The following CUX1 variants were observed in gnomAD, a reference collection of about 807,000 sequenced individuals.
CUX1 encodes protein CASP.
A neutral mutation model predicts 158.8 loss-of-function variants in CUX1; 31 were observed. That is an observed-to-expected ratio of 0.20 (90% CI 0.15 to 0.26). The LOEUF is 0.26. Ranked by LOEUF, CUX1 falls within the 10% of genes least tolerant of loss-of-function variation. The pLI, the probability that CUX1 is intolerant of heterozygous loss-of-function variation, is 1.00. For missense variants in CUX1, 1,589 were observed against 2,014.6 expected (o/e 0.79, Z 4.04); for synonymous variants, 879 against 862.1 (o/e 1.02, Z -0.34).
intron 12 of CUX1, among the ~76,000 whole-genome samples, chr7:102,191,474 C>A (rs1563379340): frequency 6.6e-6 from 1 of 152,084 alleles, no homozygotes. Flanking sequence ...CTCAGGTGAT[C>A]CACCCACCTC....
Position 102,254,454 on chromosome 7 carries a change from C to CA in CUX1, c.*5413dup. On this transcript the variant is annotated 3_prime_UTR_variant, in exon 24 of 24. Transcript: ENST00000292535. ...TCCTCCAGCCTACACGCCCCGTCCA[C>CA]AGTGGCATCACCCTCTTATCCCAAA... 1.0e-6 allele frequency: 1 copy of CA among 985,526 alleles called. No homozygotes were observed. The highest frequency in any genetic ancestry group is 1.2e-6 in the Non-Finnish European group (1 of 829,986). 61.0% of individuals were successfully genotyped at this position (985,526 alleles called of 1,614,324 possible). A position where few individuals can be genotyped will look rare whatever the true frequency, so the allele number is the denominator to read the frequency against.
intron 3 of CUX1, 36 bp from the exon 4 acceptor site, chr7:102,070,303 C>G: frequency 6.4e-7 from 1 of 1,560,224 alleles, no homozygotes; most frequent in Non-Finnish European, 8.8e-7. Flanking sequence ...ATGTTGAGCT[C>G]TTTGTTTTTC....
At chr7:102,111,101 G>T (rs535813573) in intron 6 of CUX1, among the ~76,000 whole-genome samples, 43 of 147,424 alleles carry the variant, frequency 2.9e-4, no homozygotes, top group Middle Eastern at 3.5e-3. Flanking sequence ...TTTTGGAGGG[G>T]TTTTTTTTTT....
intron 18 of CUX1, among the ~76,000 whole-genome samples, chr7:102,203,028 G>A (rs988628203): frequency 1.8e-4 from 27 of 152,096 alleles, no homozygotes; most frequent in African/African-American, 6.5e-4. Flanking sequence ...GTGCAGTGAC[G>A]CTATCTCGGC....
chr7:102,175,403 T>C (rs1449530566), intron 10 of CUX1, among the ~76,000 whole-genome samples: 1 of 152,190 alleles, frequency 6.6e-6, no homozygotes, highest in East Asian at 1.9e-4. Flanking sequence ...AGACGTGATA[T>C]AGCATGATTC....
Position 101,968,461 on chromosome 7 carries a change from T to C in CUX1, c.141+52236T>C, listed in dbSNP as rs542663686. Reference sequence around the variant, plus strand: ...TTTTTGAGACGTGGTCTCGCCCTGTTGCCCAGGCTGGAGTGCAGTGGCGCG... The same window carrying C: ...TTTTTGAGACGTGGTCTCGCCCTGTCGCCCAGGCTGGAGTGCAGTGGCGCG... On this transcript the variant is annotated intron_variant, in intron 2 of 23. Transcript: ENST00000292535. Among the ~76,000 whole-genome samples the C allele has an allele frequency of 1.8e-4, 27 of 152,248 alleles. 1 individual carries two copies. The South Asian group carries it at 4.3e-3, about 25-fold the overall frequency.
chr7:102,170,751 G>A (rs1225059004), intron 10 of CUX1, among the ~76,000 whole-genome samples: 1 of 152,202 alleles, frequency 6.6e-6, no homozygotes, highest in South Asian at 2.1e-4. Flanking sequence ...CTAACTGTGC[G>A]TGGGTGGGCT....
At chr7:101,818,617 A>G (rs1792138491) in intron 1 of CUX1, among the ~76,000 whole-genome samples, 1 of 152,162 alleles carries the variant, frequency 6.6e-6, no homozygotes, top group Admixed American at 6.5e-5. Context: ...CCCAAAACAA[A>G]GTCCCTTATT....
intron 1 of CUX1, among the ~76,000 whole-genome samples, chr7:101,889,856 C>G (rs1394383006): frequency 6.6e-6 from 1 of 152,256 alleles, no homozygotes; most frequent in African/African-American, 2.4e-5. Context: ...TCTGCAGTTG[C>G]AAATGCGGCC....
At chr7:101,817,228 C>A (rs1372778937), upstream of CUX1, 1 of 984,618 alleles carries the variant, frequency 1.0e-6, no homozygotes, top group Non-Finnish European at 1.2e-6. The surrounding 1 kb of genome is among the most constrained non-coding windows in gnomAD (Gnocchi z 4.1). Context: ...CGCCGCCGGT[C>A]CGAGCCGCGA....
intron 2 of CUX1, among the ~76,000 whole-genome samples, chr7:101,941,335 C>A (rs1344797651): frequency 6.6e-6 from 1 of 152,196 alleles, no homozygotes; most frequent in Non-Finnish European, 1.5e-5. Context: ...CCAAAACTTG[C>A]ACAGGAGTGG....
At chr7:102,269,348 G>C (rs1374840176) in intron 14 of CUX1, among the ~76,000 whole-genome samples, 2 of 151,724 alleles carry the variant, frequency 1.3e-5, no homozygotes, top group Non-Finnish European at 2.9e-5. Context: ...GCCCCCTCAC[G>C]CAAATCTCAT....
intron 8 of CUX1, among the ~76,000 whole-genome samples, chr7:102,124,781 A>C (rs1022130045): frequency 1.3e-5 from 2 of 151,538 alleles, no homozygotes; most frequent in Admixed American, 6.6e-5. Flanking sequence ...GGTTAGTAGA[A>C]ATTTTTTTTT....
At chr7:102,233,650 G>T (rs1192839851) in intron 21 of CUX1, among the ~76,000 whole-genome samples, 2 of 152,162 alleles carry the variant, frequency 1.3e-5, no homozygotes, top group African/African-American at 4.8e-5. Context: ...AGCCAGGCGT[G>T]GTGGCGAGCA....
chr7:101,857,473 G>C (rs549550253), intron 1 of CUX1, among the ~76,000 whole-genome samples: 49 of 152,344 alleles, frequency 3.2e-4, no homozygotes, highest in African/African-American at 1.2e-3. Flanking sequence ...AATGAGGACT[G>C]TAGGCCTCCG....
chr7:101,895,914 T>TTTTTTTTTTTTTG (rs1801451844), intron 1 of CUX1, among the ~76,000 whole-genome samples: 4 of 131,340 alleles, frequency 3.0e-5, no homozygotes, highest in East Asian at 2.3e-4. Context: ...TTTTGTTTTT[T>TTTTTTTTTTTTTG]TTTTTTTTTT....
intron 3 of CUX1, among the ~76,000 whole-genome samples, chr7:102,036,810 C>T (rs933467830): frequency 6.6e-6 from 1 of 151,108 alleles, no homozygotes; most frequent in Admixed American, 6.6e-5. Context: ...TATATAGAAG[C>T]TGAATAAATT....
intron 11 of CUX1, among the ~76,000 whole-genome samples, chr7:102,182,563 C>A (rs1361569439): frequency 1.3e-5 from 2 of 152,208 alleles, no homozygotes; most frequent in Non-Finnish European, 2.9e-5. Flanking sequence ...CCACGTGTGT[C>A]ATGGGACATC....
chr7:102,077,881 T>TC (rs1348115600), intron 4 of CUX1, among the ~76,000 whole-genome samples: 5 of 152,170 alleles, frequency 3.3e-5, no homozygotes, highest in Admixed American at 3.3e-4. Context: ...TTTTCATTTT[T>TC]TTTTTTTTTT....
Sources: allele counts gnomAD v4.1 joint callset (sites outside exome capture counted in the v4.1 genomes callset), GRCh38; gene constraint gnomAD v4.1.1; non-coding constraint Gnocchi (gnomAD v3.1); transcripts MANE v1.5; gene names NCBI Gene and HGNC (gene_info 2026-07-23, HGNC 2026-07-21).